BPIFA2: variants seen among roughly 807,000 people sequenced by gnomAD.
BPIFA2 encodes the protein BPI fold-containing family A member 2.
In BPIFA2, 20 loss-of-function variants were observed where a neutral mutation model predicts 25.7. That is an observed-to-expected ratio of 0.78 (90% confidence interval 0.55 to 1.13). The LOEUF (loss-of-function observed/expected upper bound fraction) is 1.13. Ranked by LOEUF, BPIFA2 falls within the 50% of genes most tolerant of loss-of-function variation. The pLI is 0.00. For missense variants in BPIFA2, 300 were observed against 298.1 expected, an observed-to-expected ratio of 1.01 and a Z score of -0.05; for synonymous variants, 126 against 124.3, an observed-to-expected ratio of 1.01 and a Z score of -0.09.
chr20:33,173,117 A>C, intron 3 of BPIFA2, 41 bp downstream of exon 3: 1 of 1,594,354 alleles, frequency 6.3e-7, no homozygotes, highest in Non-Finnish European at 8.6e-7. Flanking sequence ...GCTCTAAGGA[A>C]AGGGAAAACA....
intron 2 of BPIFA2, 85 bp from the exon 3 acceptor site, chr20:33,172,847 A>G: frequency 7.2e-7 from 1 of 1,397,984 alleles, no homozygotes; most frequent in Non-Finnish European, 9.7e-7. Context: ...GAAATAACAT[A>G]GGCAAACAGT....
At chr20:33,173,401 A>G (rs1193261917) in intron 3 of BPIFA2, among the ~76,000 whole-genome samples, 1 of 152,218 alleles carries the variant, frequency 6.6e-6, no homozygotes, top group African/African-American at 2.4e-5. Flanking sequence ...TTCCATATAT[A>G]ACTGGGGGTA....
intron 8 of BPIFA2, among the ~76,000 whole-genome samples, 188 bp downstream of exon 8, chr20:33,180,785 C>CTCTG (rs757039090): frequency 2.0e-5 from 3 of 152,198 alleles, no homozygotes; most frequent in African/African-American, 4.8e-5. Flanking sequence ...AATCACTGAA[C>CTCTG]TCTGATTCTG....
intron 1 of BPIFA2, among the ~76,000 whole-genome samples, 181 bp downstream of exon 1, chr20:33,168,390 C>T (rs140819366): frequency 0.013 from 1,997 of 152,256 alleles, 50 homozygotes; most frequent in Middle Eastern, 0.044. Context: ...ACTAAAGATT[C>T]CATTTCCCTC....
At chr20:33,167,360 C>T (rs1983755994), upstream of BPIFA2, among the ~76,000 whole-genome samples, 1 of 152,114 alleles carries the variant, frequency 6.6e-6, no homozygotes. Context: ...CATCAGTGGC[C>T]GAAGCAAAAA....
At chr20:33,176,750 C>T (rs575842090) in intron 5 of BPIFA2, among the ~76,000 whole-genome samples, 5 of 152,336 alleles carry the variant, frequency 3.3e-5, no homozygotes, top group African/African-American at 1.2e-4. Flanking sequence ...TCTGTTTGAT[C>T]TGGCCCCACC....
At chr20:33,171,174 C>A (rs1378263698) in intron 2 of BPIFA2, among the ~76,000 whole-genome samples, 2 of 152,278 alleles carry the variant, frequency 1.3e-5, no homozygotes, top group African/African-American at 4.8e-5. Flanking sequence ...CATGATGTCT[C>A]CAGCTTTGTT....
chr20:33,170,228 TA>T (rs1429759221), intron 2 of BPIFA2, among the ~76,000 whole-genome samples: 23 of 152,248 alleles, frequency 1.5e-4, no homozygotes, highest in African/African-American at 5.3e-4. Context: ...TCTGAATCAT[TA>T]TAACTAGGTA....
upstream of BPIFA2, among the ~76,000 whole-genome samples, chr20:33,167,935 G>A (rs1983773687): frequency 6.6e-6 from 1 of 152,178 alleles, no homozygotes. Flanking sequence ...GCTCCATGAG[G>A]ACCTGGTCTT....
chr20:33,169,018 A>G, intron 1 of BPIFA2, 113 bp from the exon 2 acceptor site: 1 of 1,016,242 alleles, frequency 9.8e-7, no homozygotes, highest in Non-Finnish European at 1.5e-6. Context: ...TAAAATAGGA[A>G]ATAACCACAT....
At chr20:33,167,439 C>T (rs138133325), upstream of BPIFA2, among the ~76,000 whole-genome samples, 8 of 152,302 alleles carry the variant, frequency 5.3e-5, 1 homozygote, top group African/African-American at 1.9e-4. Flanking sequence ...GTGGAAGGGT[C>T]TTCCCTGGTG....
intron 5 of BPIFA2, among the ~76,000 whole-genome samples, chr20:33,176,375 G>A (rs1026967589): frequency 1.3e-5 from 2 of 152,182 alleles, no homozygotes; most frequent in East Asian, 3.8e-4. Context: ...AGAAGCTGAG[G>A]GCTGGGGCTA....
intron 4 of BPIFA2, among the ~76,000 whole-genome samples, chr20:33,174,873 T>C (rs1044108233): frequency 6.6e-6 from 1 of 152,190 alleles, no homozygotes; most frequent in Non-Finnish European, 1.5e-5. Flanking sequence ...ATTGCACCAC[T>C]GCATTCCAGC....
rs764223690 is a variant in BPIFA2, at chr20:33,174,128, G to A, written c.352G>A (p.Asp118Asn). Residue 118 changes from aspartate (D) to asparagine (N), a missense_variant, in exon 4 of 9, where the codon GAT becomes AAT. Asp to Asn is a conservative substitution (Grantham distance 23). Transcript: ENST00000354932. ...CCTGGATGTCAAAGCTGAACCGATC[G>A]ATGATGGCAAAGGCCTTAACCTGAG... Reference protein sequence around the residue: ...LILDVKAEPIDDGKGLNLSFP... With the variant: ...LILDVKAEPINDGKGLNLSFP... 4.9e-5 allele frequency: 79 copies of A among 1,614,096 alleles called. No individual in the cohort carries two copies. Among genetic ancestry groups the A allele is most frequent in the South Asian group, 2.2e-4 (20 of 91,086 alleles).
At chr20:33,177,013 TC>T (rs955779373) in intron 5 of BPIFA2, among the ~76,000 whole-genome samples, 1 of 152,180 alleles carries the variant, frequency 6.6e-6, no homozygotes, top group African/African-American at 2.4e-5. Context: ...TCACAAGTTC[TC>T]AATATATATT....
At chr20:33,162,985 A>G (rs1047812257) in intron 1 of BPIFA2, among the ~76,000 whole-genome samples, 3 of 152,170 alleles carry the variant, frequency 2.0e-5, no homozygotes, top group Non-Finnish European at 4.4e-5. Context: ...ATGCACAGAA[A>G]ATTTGCAAGA....
rs1075435 is a variant in BPIFA2, at chr20:33,179,664, G to A, written c.706G>A (p.Val236Ile). ...SLDVNVIQQV[V>I]DNPQHKTQLQ... Reference sequence around the variant, plus strand: ...GGATGTGAATGTCATTCAGCAGGTCGTCGGTAAGTCAATGGGGAAGTGGGG... The same window carrying A: ...GGATGTGAATGTCATTCAGCAGGTCATCGGTAAGTCAATGGGGAAGTGGGG... Residue 236 changes from valine to isoleucine, a missense_variant, in exon 7 of 9, where the codon GTC becomes ATC. Transcript: ENST00000354932. 3.0e-4 allele frequency: 485 copies of A among 1,609,500 alleles called. 3 individuals are homozygous for A. In the African/African-American group the frequency reaches 5.1e-3, roughly 17 times the overall value.
chr20:33,169,444 G>A, intron 2 of BPIFA2, 142 bp downstream of exon 2: 2 of 737,512 alleles, frequency 2.7e-6, no homozygotes, highest in Non-Finnish European at 4.4e-6. Context: ...TGACTCATTC[G>A]TTTATCTTTC....
chr20:33,163,682 T>C (rs12106106), upstream of BPIFA2, among the ~76,000 whole-genome samples: 4,340 of 151,720 alleles, frequency 0.029, 187 homozygotes, highest in African/African-American at 0.097. Context: ...ATTAGCAGGG[T>C]GTGGTGGTGC....
Sources: gnomAD v4.1 joint callset for allele counts (sites outside exome capture counted in the v4.1 genomes callset) on GRCh38, gnomAD v4.1.1 for gene constraint, MANE v1.5 for transcripts, NCBI Gene and HGNC (gene_info 2026-07-23, HGNC 2026-07-21) for gene names.